The following ABI3BP variants were observed in gnomAD, a reference collection of about 807,000 sequenced individuals.
The protein encoded by ABI3BP is target of Nesh-SH3.
In ABI3BP, 216 loss-of-function variants were observed where a neutral mutation model predicts 268.6. The ratio of observed to expected loss-of-function variants is 0.80; its 90% CI spans 0.72 to 0.90. ABI3BP has a LOEUF of 0.90. Among genes scored for constraint, ABI3BP ranks in the 40% least tolerant of loss-of-function variants. The pLI, the probability that ABI3BP is intolerant of heterozygous loss-of-function variation, is 0.00. For missense variants in ABI3BP, 2,090 were observed against 2,182.4 expected, an observed-to-expected ratio of 0.96 and a Z score of 0.84; for synonymous variants, 730 against 730.0, an observed-to-expected ratio of 1.00 and a Z score of 0.00.
intron 1 of ABI3BP, among the ~76,000 whole-genome samples, chr3:100,939,755 G>A (rs2068024048): frequency 6.6e-6 from 1 of 152,072 alleles, no homozygotes. Context: ...ACAGGGTTTT[G>A]AGAGCAACCG....
intron 6 of ABI3BP, among the ~76,000 whole-genome samples, chr3:100,881,445 T>C (rs777184203): frequency 2.0e-5 from 3 of 152,194 alleles, no homozygotes; most frequent in Non-Finnish European, 4.4e-5. Context: ...AGAACACTGA[T>C]TCTAGGAAGA....
chr3:100,992,858 G>A (rs34670326), intron 1 of ABI3BP, among the ~76,000 whole-genome samples: 26,061 of 152,086 alleles, frequency 0.17, 2,527 homozygotes, highest in East Asian at 0.44. Context: ...TCAGCTTCCT[G>A]GTCAACAGGT....
At chr3:100,754,521 G>T in intron 64 of ABI3BP, 91 bp downstream of exon 64, 4 of 1,242,034 alleles carry the variant, frequency 3.2e-6, no homozygotes, top group Non-Finnish European at 4.6e-6. Flanking sequence ...AACAGTACAT[G>T]TAGTGGGTTT....
intron 24 of ABI3BP, among the ~76,000 whole-genome samples, chr3:100,839,214 C>A (rs1379378591): frequency 1.3e-5 from 2 of 152,140 alleles, no homozygotes; most frequent in African/African-American, 4.8e-5. Flanking sequence ...AAATGCTAAC[C>A]ATGGCACTGG....
intron 57 of ABI3BP, among the ~76,000 whole-genome samples, chr3:100,786,406 TG>T (rs1373713272): frequency 2.0e-5 from 3 of 152,146 alleles, no homozygotes; most frequent in African/African-American, 7.2e-5. Flanking sequence ...GTAATACAAG[TG>T]GGCTTTGGAA....
At chr3:100,927,678 C>T (rs780593596) in intron 1 of ABI3BP, among the ~76,000 whole-genome samples, 3 of 152,134 alleles carry the variant, frequency 2.0e-5, no homozygotes, top group Non-Finnish European at 2.9e-5. Flanking sequence ...CTTGTGCAAA[C>T]TCTATCACTA....
chr3:100,767,532 C>T (rs903713998), intron 62 of ABI3BP, among the ~76,000 whole-genome samples: 6 of 151,004 alleles, frequency 4.0e-5, no homozygotes, highest in Non-Finnish European at 8.8e-5. Context: ...TATATTTTTT[C>T]CTCAGCTGTG....
chr3:100,837,099 C>A, intron 27 of ABI3BP, 25 bp downstream of exon 27: 2 of 1,523,242 alleles, frequency 1.3e-6, no homozygotes, highest in East Asian at 2.5e-5. Flanking sequence ...GAAACATTGG[C>A]CAAGAAGGAA....
At chr3:100,880,715 C>T (rs1017438) in intron 6 of ABI3BP, among the ~76,000 whole-genome samples, 57,713 of 151,948 alleles carry the variant, frequency 0.38, 12,602 homozygotes, top group Admixed American at 0.54. Context: ...CAGCAGCAGA[C>T]GCTGCTACCA....
chr3:100,789,403 C>T (rs2097137590), intron 56 of ABI3BP, 51 bp downstream of exon 56: 1 of 1,549,490 alleles, frequency 6.5e-7, no homozygotes, highest in Non-Finnish European at 8.8e-7. Context: ...CAGTCCATTT[C>T]ATATCTTCCC....
chr3:100,773,491 C>G (rs185229713), intron 61 of ABI3BP, among the ~76,000 whole-genome samples: 19 of 152,280 alleles, frequency 1.2e-4, no homozygotes, highest in Admixed American at 5.2e-4. Flanking sequence ...AACTAGAACT[C>G]TCATCTCTGC....
chr3:100,855,168 C>T (rs1054055803), intron 14 of ABI3BP, among the ~76,000 whole-genome samples: 4 of 152,130 alleles, frequency 2.6e-5, no homozygotes, highest in South Asian at 2.1e-4. Context: ...CCTTGTGATC[C>T]GCCCACCTCG....
chr3:100,906,490 T>TA lies in ABI3BP; in HGVS notation c.260-3805dup, dbSNP rs371438775. 4.2e-3 allele frequency among the ~76,000 whole-genome samples: 646 copies of TA among 152,330 alleles called. 4 individuals carry two copies. Among genetic ancestry groups the TA allele is most frequent in the African/African-American group, 0.014 (599 of 41,580 alleles). Reference sequence around the variant, plus strand: ...GGATTTCTATTTCTGTTCTGTACAATAAATTCTTTGTGGATTTATAGTAGC... The same window carrying TA: ...GGATTTCTATTTCTGTTCTGTACAATAAAATTCTTTGTGGATTTATAGTAGC... On this transcript the variant is annotated intron_variant, in intron 2 of 67. Transcript: ENST00000471714.
At chr3:100,980,596 AAAG>A (rs2088853181) in intron 1 of ABI3BP, among the ~76,000 whole-genome samples, 2 of 152,260 alleles carry the variant, frequency 1.3e-5, no homozygotes, top group Non-Finnish European at 1.5e-5. Context: ...CGCAAGTGGG[AAAG>A]AAGAGGGTTG....
chr3:100,980,989 A>C (rs1179459842), intron 1 of ABI3BP, among the ~76,000 whole-genome samples: 3 of 152,242 alleles, frequency 2.0e-5, no homozygotes, highest in Non-Finnish European at 4.4e-5. Flanking sequence ...ATAATGTCTG[A>C]CTGCTATTGT....
At chr3:100,968,559 AATCTTGGTCTGT>A (rs538257622) in intron 1 of ABI3BP, among the ~76,000 whole-genome samples, 1,803 of 152,276 alleles carry the variant, frequency 0.012, 15 homozygotes, top group Non-Finnish European at 0.019. Flanking sequence ...GTCAAGTTGA[AATCTTGGTCTGT>A]ATCTTGGTCT....
intron 1 of ABI3BP, among the ~76,000 whole-genome samples, chr3:100,935,325 C>T (rs922986449): frequency 2.0e-5 from 3 of 151,958 alleles, no homozygotes; most frequent in African/African-American, 7.3e-5. Context: ...CTGTTCTGTT[C>T]CACTGGTCTA....
chr3:100,778,701 C>A (rs2096782895), intron 58 of ABI3BP: 2 of 249,706 alleles, frequency 8.0e-6, no homozygotes, highest in Non-Finnish European at 1.5e-5. Flanking sequence ...TTTTTAAAAA[C>A]CACAATAAAA....
chr3:100,933,417 C>A (rs2064485256), intron 1 of ABI3BP, among the ~76,000 whole-genome samples: 1 of 151,832 alleles, frequency 6.6e-6, no homozygotes, highest in Non-Finnish European at 1.5e-5. Flanking sequence ...GTGCCAACCT[C>A]TATACCTACT....
Sources: gnomAD v4.1 joint callset for allele counts (sites outside exome capture counted in the v4.1 genomes callset) on GRCh38, gnomAD v4.1.1 for gene constraint, MANE v1.5 for transcripts, NCBI Gene and HGNC (gene_info 2026-07-23, HGNC 2026-07-21) for gene names.